Variants in TMEM272 observed in about 807,000 individuals in gnomAD.
TMEM272 encodes long intergenic non-protein coding RNA 282.
Under a neutral mutation model 3.7 loss-of-function variants are expected in TMEM272, and 8 were observed. The observed-to-expected ratio is 2.17, with a 90% confidence interval of 1.27 to 3.91. The LOEUF (loss-of-function observed/expected upper bound fraction) is 3.91, where lower values mean the gene tolerates loss of function less well. Ranked by LOEUF, TMEM272 falls within the 30% of genes most tolerant of loss-of-function variation. The pLI is 0.00. For missense variants in TMEM272, 166 were observed against 91.5 expected, an observed-to-expected ratio of 1.81 and a Z score of -3.32; for synonymous variants, 63 against 39.8, an observed-to-expected ratio of 1.58 and a Z score of -2.20.
chr13:51,908,917 T>C, the TMEM272 span: 10 of 1,395,764 alleles, frequency 7.2e-6, no homozygotes, highest in Middle Eastern at 1.8e-4. Flanking sequence ...CCTCTTTCCT[T>C]GGTAATCTGG....
the TMEM272 span, among the ~76,000 whole-genome samples, chr13:51,929,781 TG>T: frequency 8.5e-5 from 13 of 152,352 alleles, no homozygotes; most frequent in South Asian, 2.7e-3. Context: ...TCTGTGGAAA[TG>T]GGACAGTTAT....
chr13:51,819,186 C>T (rs923193688), intron 4 of TMEM272, among the ~76,000 whole-genome samples: 3 of 152,042 alleles, frequency 2.0e-5, no homozygotes, highest in Non-Finnish European at 2.9e-5. Flanking sequence ...AGGAGAGGTG[C>T]GAGGGTCCTC....
the TMEM272 span, among the ~76,000 whole-genome samples, chr13:51,883,916 G>T: frequency 6.6e-6 from 1 of 152,024 alleles, no homozygotes; most frequent in Admixed American, 6.5e-5. Context: ...TTATATTCCA[G>T]CTTTCATCCA....
At chr13:51,891,869 G>T in the TMEM272 span, among the ~76,000 whole-genome samples, 2 of 152,146 alleles carry the variant, frequency 1.3e-5, no homozygotes, top group South Asian at 4.1e-4. Flanking sequence ...GGGGTTGGAG[G>T]GGGGCAAGGG....
At chr13:51,924,579 CAG>C in the TMEM272 span, among the ~76,000 whole-genome samples, 51 of 152,096 alleles carry the variant, frequency 3.4e-4, 1 homozygote, top group Non-Finnish European at 1.0e-4. Context: ...GAGAATGGGG[CAG>C]AGAGGGGATG....
the TMEM272 span, among the ~76,000 whole-genome samples, chr13:51,920,134 A>G: frequency 7.9e-5 from 12 of 152,188 alleles, no homozygotes; most frequent in African/African-American, 2.9e-4. Context: ...ACTCTCAGCA[A>G]GCGTTTTACC....
At chr13:51,876,848 G>T in the TMEM272 span, among the ~76,000 whole-genome samples, 3 of 152,182 alleles carry the variant, frequency 2.0e-5, no homozygotes, top group African/African-American at 7.2e-5. Flanking sequence ...TTTGTTTGAA[G>T]AGTACTTTGT....
At chr13:51,895,882 A>C in the TMEM272 span, among the ~76,000 whole-genome samples, 1 of 152,160 alleles carries the variant, frequency 6.6e-6, no homozygotes, top group Non-Finnish European at 1.5e-5. Flanking sequence ...CCTGAGACTC[A>C]GGATGCTCTT....
chr13:51,888,289 G>A, the TMEM272 span, among the ~76,000 whole-genome samples: 212 of 152,184 alleles, frequency 1.4e-3, no homozygotes, highest in Non-Finnish European at 1.9e-3. Context: ...CAGGTGATCC[G>A]TTCACCTCGG....
At chr13:51,818,971 A>G (rs1007860945) in intron 4 of TMEM272, among the ~76,000 whole-genome samples, 10 of 152,180 alleles carry the variant, frequency 6.6e-5, no homozygotes, top group Admixed American at 5.9e-4. Flanking sequence ...CACTGTCTAC[A>G]CCACAGTACA....
chr13:51,904,953 G>A, the TMEM272 span, among the ~76,000 whole-genome samples: 1 of 152,192 alleles, frequency 6.6e-6, no homozygotes, highest in Non-Finnish European at 1.5e-5. Context: ...GATAATTGCT[G>A]TGGGAGTCTG....
At chr13:51,863,160 C>A in the TMEM272 span, among the ~76,000 whole-genome samples, 1 of 152,244 alleles carries the variant, frequency 6.6e-6, no homozygotes, top group Non-Finnish European at 1.5e-5. Context: ...AAACTGCAGG[C>A]AGAGTGCCAA....
At chr13:51,928,210 C>T in the TMEM272 span, among the ~76,000 whole-genome samples, 1 of 152,170 alleles carries the variant, frequency 6.6e-6, no homozygotes, top group African/African-American at 2.4e-5. Flanking sequence ...ACAGGAACTT[C>T]CTCTGGCCCA....
chr13:51,908,376 T>C, the TMEM272 span: 1 of 1,501,352 alleles, frequency 6.7e-7, no homozygotes, highest in South Asian at 1.1e-5. Flanking sequence ...TGGACAGACA[T>C]TTCTCATTGC....
At chr13:51,913,862 C>A in the TMEM272 span, among the ~76,000 whole-genome samples, 1 of 152,176 alleles carries the variant, frequency 6.6e-6, no homozygotes, top group Non-Finnish European at 1.5e-5. Flanking sequence ...TCAGGCAGAC[C>A]TGTGGTGATC....
the TMEM272 span, among the ~76,000 whole-genome samples, chr13:51,926,291 T>C: frequency 5.3e-5 from 8 of 152,176 alleles, no homozygotes; most frequent in Non-Finnish European, 8.8e-5. Context: ...CCTCCCGCAG[T>C]GACCTCCTTG....
the TMEM272 span, among the ~76,000 whole-genome samples, chr13:51,898,154 G>T: frequency 6.6e-6 from 1 of 151,820 alleles, no homozygotes; most frequent in Admixed American, 6.6e-5. Flanking sequence ...GGAGGCAGAG[G>T]CTGCAGTAAG....
At chr13:51,882,462 G>A in the TMEM272 span, among the ~76,000 whole-genome samples, 277 of 152,250 alleles carry the variant, frequency 1.8e-3, 2 homozygotes, top group East Asian at 0.019. Flanking sequence ...GTAAATTAGC[G>A]TCCTAAGAAT....
At chr13:51,821,885 C>T (rs1177680854) in intron 4 of TMEM272, among the ~76,000 whole-genome samples, 170 bp downstream of exon 4, 1 of 152,132 alleles carries the variant, frequency 6.6e-6, no homozygotes, top group Admixed American at 6.5e-5. Context: ...AAATGCCCTG[C>T]ATCTGGAAAA....
Sources: gnomAD v4.1 joint callset for allele counts (sites outside exome capture counted in the v4.1 genomes callset) on GRCh38, gnomAD v4.1.1 for gene constraint, MANE v1.5 for transcripts, NCBI Gene and HGNC (gene_info 2026-07-23, HGNC 2026-07-21) for gene names.